GNAO1: variants seen among roughly 807,000 people sequenced by gnomAD.
GNAO1 encodes the protein guanine nucleotide-binding protein G(o) subunit alpha.
For missense variants in GNAO1, 166 were observed against 478.7 expected (o/e 0.35, Z 6.10); for synonymous variants, 164 against 180.7 (o/e 0.91, Z 0.74).
intron 2 of GNAO1, among the ~76,000 whole-genome samples, chr16:56,204,676 A>G (rs938859171): frequency 3.3e-5 from 5 of 152,220 alleles, no homozygotes; most frequent in African/African-American, 9.6e-5. Context: ...AGACCATTGT[A>G]TTTGAAGCTA....
intron 2 of GNAO1, among the ~76,000 whole-genome samples, chr16:56,258,231 G>A (rs1019745448): frequency 1.3e-5 from 2 of 152,164 alleles, no homozygotes; most frequent in Admixed American, 6.5e-5. Context: ...TTATGAGTGG[G>A]GTTCTGTTTT....
intron 3 of GNAO1, among the ~76,000 whole-genome samples, chr16:56,288,642 C>G (rs956244877): frequency 2.0e-5 from 3 of 152,178 alleles, no homozygotes; most frequent in African/African-American, 7.2e-5. Flanking sequence ...GAGTGGCCAG[C>G]GTGGGGGCCG....
intron 2 of GNAO1, among the ~76,000 whole-genome samples, chr16:56,197,178 C>T (rs1346921911): frequency 2.6e-5 from 4 of 152,226 alleles, no homozygotes; most frequent in East Asian, 1.9e-4. Context: ...CATGAAAGTG[C>T]GTCCGTCTAA....
Position 56,354,759 on chromosome 16 carries a change from C to T in GNAO1, c.878-107C>T, listed in dbSNP as rs925473225. 1 of 659,780 alleles carries T rather than the reference C, an allele frequency of 1.5e-6. No homozygotes were observed. The highest frequency in any genetic ancestry group is 1.9e-5 in the South Asian group (1 of 53,610). The allele number at this position is 659,780 out of a possible 1,614,324, so 40.9% of individuals were successfully genotyped here. Reference sequence around the variant, plus strand: ...CTACTGCTCCCTTCCTGTCTCATCCCACTTCCTGGGACACGCCACAACCCA... The same window carrying T: ...CTACTGCTCCCTTCCTGTCTCATCCTACTTCCTGGGACACGCCACAACCCA... On this transcript the variant is annotated intron_variant, in intron 7 of 8. Transcript: ENST00000262493. The surrounding 1 kb of genome is among the most constrained non-coding windows in gnomAD (Gnocchi z 4.3).
At chr16:56,303,274 T>A (rs943478897) in intron 3 of GNAO1, among the ~76,000 whole-genome samples, 3 of 152,134 alleles carry the variant, frequency 2.0e-5, no homozygotes, top group Non-Finnish European at 4.4e-5. Context: ...GGAATCACAG[T>A]CTTGTTTTCC....
At chr16:56,345,330 C>T (rs1339247047) in intron 6 of GNAO1, 1 of 985,410 alleles carries the variant, frequency 1.0e-6, no homozygotes, top group African/African-American at 1.7e-5. Flanking sequence ...ACTGACAGGC[C>T]TCTGCCTCCC....
intron 3 of GNAO1, among the ~76,000 whole-genome samples, chr16:56,306,202 C>T (rs1487378565): frequency 6.6e-6 from 1 of 152,198 alleles, no homozygotes; most frequent in Non-Finnish European, 1.5e-5. Context: ...CACCAAGCAG[C>T]CTTTCTTACC....
At chr16:56,293,088 G>A (rs1427819031) in intron 3 of GNAO1, among the ~76,000 whole-genome samples, 1 of 152,220 alleles carries the variant, frequency 6.6e-6, no homozygotes, top group African/African-American at 2.4e-5. Context: ...AGGTCACAAG[G>A]GGAGTTTTTG....
At chr16:56,219,167 G>A (rs2036462147) in intron 2 of GNAO1, among the ~76,000 whole-genome samples, 1 of 152,140 alleles carries the variant, frequency 6.6e-6, no homozygotes, top group African/African-American at 2.4e-5. Flanking sequence ...AGTGCACCCC[G>A]GGAGTGTACT....
chr16:56,287,563 C>T (rs570950894), intron 3 of GNAO1, among the ~76,000 whole-genome samples: 1 of 152,322 alleles, frequency 6.6e-6, no homozygotes, highest in Admixed American at 6.5e-5. Flanking sequence ...TGCCATCTCC[C>T]TCCTCTTGCC....
At chr16:56,266,231 A>G (rs2036952132) in intron 2 of GNAO1, among the ~76,000 whole-genome samples, 1 of 152,182 alleles carries the variant, frequency 6.6e-6, no homozygotes, top group Non-Finnish European at 1.5e-5. Flanking sequence ...TGCACCTGGT[A>G]CATAGCAGTC....
intron 6 of GNAO1, chr16:56,348,261 G>A (rs2037891667): frequency 4.5e-6 from 4 of 879,200 alleles, no homozygotes; most frequent in African/African-American, 1.8e-5. Context: ...TGCACGATGT[G>A]TGTCCTCGGG....
intron 2 of GNAO1, among the ~76,000 whole-genome samples, chr16:56,214,445 T>C (rs1347231033): frequency 6.6e-6 from 1 of 152,172 alleles, no homozygotes; most frequent in African/African-American, 2.4e-5. Context: ...AGCCTGAAAG[T>C]TTAGTGGTAT....
chr16:56,277,412 G>A (rs2037069915), intron 3 of GNAO1, among the ~76,000 whole-genome samples: 1 of 152,204 alleles, frequency 6.6e-6, no homozygotes, highest in Admixed American at 6.5e-5. Context: ...TTTGAGCTAG[G>A]TGCTGTGGAT....
In GNAO1 at chr16:56,191,776, T is replaced by C; in HGVS notation, c.-460T>C. On this transcript the variant is annotated 5_prime_UTR_variant, in exon 1 of 9. Coordinates refer to ENST00000262493, the MANE Select transcript of GNAO1 (RefSeq NM_020988.3). This position sits in a 1 kb window ranked among gnomAD's most constrained non-coding sequence, Gnocchi z 4.7. ...CGCCGCCGCCGCCGCCTCCTCCACC[T>C]CCTCCTCCGCCGCCGCCGCCTCCTC... The C allele has an allele frequency of 9.3e-6, 2 of 215,912 alleles. No individual in the cohort carries two copies. The highest frequency in any genetic ancestry group is 6.8e-5 in the South Asian group (1 of 14,814). The allele number at this position is 215,912 out of a possible 1,614,324, so 13.4% of individuals were successfully genotyped here. A position where few individuals can be genotyped will look rare whatever the true frequency, so the allele number is the denominator to read the frequency against.
intron 2 of GNAO1, among the ~76,000 whole-genome samples, chr16:56,197,439 C>G (rs1358544577): frequency 6.6e-6 from 1 of 152,222 alleles, no homozygotes; most frequent in African/African-American, 2.4e-5. Context: ...TGCTCTCTCC[C>G]TCCTTACTGT....
chr16:56,231,880 T>C (rs1467068854), intron 2 of GNAO1, among the ~76,000 whole-genome samples: 1 of 152,172 alleles, frequency 6.6e-6, no homozygotes, highest in Non-Finnish European at 1.5e-5. Flanking sequence ...AGATGGAGCC[T>C]GGTCCCAGGA....
chr16:56,240,552 G>A (rs568841794), intron 2 of GNAO1, among the ~76,000 whole-genome samples: 51 of 152,332 alleles, frequency 3.3e-4, no homozygotes, highest in Non-Finnish European at 5.6e-4. Flanking sequence ...CAGTTTGACA[G>A]CATTTCTTCT....
intron 3 of GNAO1, among the ~76,000 whole-genome samples, chr16:56,287,050 C>A (rs887278907): frequency 1.3e-5 from 2 of 152,194 alleles, no homozygotes; most frequent in African/African-American, 4.8e-5. Flanking sequence ...CGGCAGCAAG[C>A]CAGCACTGCT....
Sources: allele counts gnomAD v4.1 joint callset (sites outside exome capture counted in the v4.1 genomes callset), GRCh38; gene constraint gnomAD v4.1.1; non-coding constraint Gnocchi (gnomAD v3.1); transcripts MANE v1.5; gene names NCBI Gene and HGNC (gene_info 2026-07-23, HGNC 2026-07-21).